Variants in KIAA1958 observed in about 807,000 individuals in gnomAD.
The protein encoded by KIAA1958 is KIAA1958.
KIAA1958 carries 14 observed loss-of-function variants against 47.2 expected under a neutral mutation model. The observed-to-expected ratio is 0.30, with a 90% confidence interval of 0.20 to 0.46. The LOEUF is 0.46. Ranked by LOEUF, KIAA1958 falls within the 20% of genes least tolerant of loss-of-function variation. KIAA1958 has a pLI of 1.00. For missense variants in KIAA1958, 803 were observed against 909.2 expected (o/e 0.88, Z 1.50); for synonymous variants, 354 against 353.3 (o/e 1.00, Z -0.02).
intron 2 of KIAA1958, among the ~76,000 whole-genome samples, chr9:112,608,889 G>A (rs987703550): frequency 2.0e-5 from 3 of 152,184 alleles, no homozygotes; most frequent in African/African-American, 7.2e-5. Flanking sequence ...AAAAAGAGAA[G>A]AGAGAGAATT....
intron 1 of KIAA1958, among the ~76,000 whole-genome samples, chr9:112,523,825 G>A (rs1316403437): frequency 1.3e-5 from 2 of 152,206 alleles, no homozygotes; most frequent in Non-Finnish European, 2.9e-5. Context: ...AAGCACAATT[G>A]CAGACTGCAT....
At position 112,637,923 on chromosome 9, in the gene KIAA1958, T is replaced by C. The variant is rs1035756548; in HGVS notation, c.1172-7727T>C. On this transcript the variant is annotated intron_variant, in intron 2 of 3. Transcript: ENST00000337530. ...CAACACTTTGGGAGGCCGAGGAGGG[T>C]GGATCACCTGAGGTCAGAAGTTCAA... Among the ~76,000 whole-genome samples the C allele has an allele frequency of 8.6e-5, 13 of 151,768 alleles. No individual in the cohort carries two copies. The South Asian group carries it at 2.7e-3, about 32-fold the overall frequency.
chr9:112,658,882 T>C (rs1329754716), intron 3 of KIAA1958, among the ~76,000 whole-genome samples: 1 of 148,636 alleles, frequency 6.7e-6, no homozygotes, highest in Non-Finnish European at 1.5e-5. Context: ...TAGCCGGGCG[T>C]GGTGGCGGGA....
rs1837370597 is a variant in KIAA1958 at position 112,667,807 on chromosome 9, A to C, written c.*7738A>C. 6.6e-6 allele frequency: 1 copy of C among 152,218 alleles called. No individual in the cohort carries two copies. Among genetic ancestry groups the C allele is most frequent in the East Asian group, 1.9e-4 (1 of 5,208 alleles). 9.4% of individuals were successfully genotyped at this position (152,218 alleles called of 1,614,324 possible). A position where few individuals can be genotyped will look rare whatever the true frequency, so the allele number is the denominator to read the frequency against. On this transcript the variant is annotated 3_prime_UTR_variant, in exon 4 of 4. Coordinates refer to ENST00000337530, the MANE Select transcript of KIAA1958 (RefSeq NM_133465.4). ...ATGTAATAGTCTTACAAAGATAATA[A>C]GTTGTACAGCAACCTACGAGGCTTG...
intron 2 of KIAA1958, among the ~76,000 whole-genome samples, chr9:112,592,765 C>T (rs1835945879): frequency 6.6e-6 from 1 of 152,076 alleles, no homozygotes; most frequent in Non-Finnish European, 1.5e-5. Flanking sequence ...TAGAAAATTC[C>T]CTTTTGGCGA....
intron 3 of KIAA1958, among the ~76,000 whole-genome samples, chr9:112,655,614 G>A (rs1306708197): frequency 6.6e-6 from 1 of 152,246 alleles, no homozygotes; most frequent in African/African-American, 2.4e-5. Flanking sequence ...TTCTTCCAGA[G>A]CTAGCAGTGG....
intron 2 of KIAA1958, among the ~76,000 whole-genome samples, chr9:112,585,000 T>C (rs1835799997): frequency 6.6e-6 from 1 of 152,214 alleles, no homozygotes; most frequent in Admixed American, 6.5e-5. Flanking sequence ...TGCTAGGTTA[T>C]ATCCTAAAGA....
chr9:112,538,073 G>A lies in KIAA1958; in HGVS notation c.-24-35984G>A, dbSNP rs183650808. ...CAGGTTGCACGGGTGGCTCACACCC[G>A]TAATCCCAGCTCTATGGGAGGCCAA... On this transcript the variant is annotated intron_variant, in intron 1 of 3. Coordinates refer to ENST00000337530, the MANE Select transcript of KIAA1958 (RefSeq NM_133465.4). Among the ~76,000 whole-genome samples, 66 of 152,322 alleles carry A rather than the reference G, an allele frequency of 4.3e-4. 1 individual carries two copies. The East Asian group carries it at 6.0e-3, about 14-fold the overall frequency.
At chr9:112,533,845 G>A (rs1443098027) in intron 1 of KIAA1958, among the ~76,000 whole-genome samples, 1 of 152,156 alleles carries the variant, frequency 6.6e-6, no homozygotes. Context: ...CCCTTGACAC[G>A]TGGGGATTGT....
At position 112,661,519 on chromosome 9, in the gene KIAA1958, T is replaced by C. The variant is rs569914142; in HGVS notation, c.*1450T>C. On this transcript the variant is annotated 3_prime_UTR_variant, in exon 4 of 4. Coordinates refer to ENST00000337530, the MANE Select transcript of KIAA1958 (RefSeq NM_133465.4). ...ATACAAATTCATTTTGTAGAAGTCT[T>C]AAAATCAGTCCTCTTTCTTTTTGAA... The C allele has an allele frequency of 5.9e-5, 9 of 152,368 alleles. No homozygotes were observed. Among genetic ancestry groups the C allele is most frequent in the Non-Finnish European group, 1.3e-4 (9 of 68,026 alleles). The allele number at this position is 152,368 out of a possible 1,614,324, so 9.4% of individuals were successfully genotyped here. A position where few individuals can be genotyped will look rare whatever the true frequency, so the allele number is the denominator to read the frequency against.
intron 1 of KIAA1958, among the ~76,000 whole-genome samples, chr9:112,512,290 TAAG>T (rs1046300415): frequency 9.2e-5 from 14 of 152,012 alleles, no homozygotes; most frequent in African/African-American, 1.9e-4. Context: ...CAGCAATTCA[TAAG>T]AAGAAAAACA....
intron 3 of KIAA1958, 108 bp downstream of exon 3, chr9:112,645,930 G>T: frequency 2.5e-6 from 2 of 807,014 alleles, no homozygotes; most frequent in South Asian, 6.3e-5. Context: ...TTTCTGCCTG[G>T]GGAAACTTTG....
chr9:112,517,344 A>G (rs896867480), intron 1 of KIAA1958, among the ~76,000 whole-genome samples: 10 of 152,368 alleles, frequency 6.6e-5, no homozygotes, highest in African/African-American at 2.4e-4. Flanking sequence ...CTATATGCAA[A>G]AAGTGAATTT....
At chr9:112,522,386 A>G (rs561628395) in intron 1 of KIAA1958, among the ~76,000 whole-genome samples, 4 of 152,324 alleles carry the variant, frequency 2.6e-5, no homozygotes, top group African/African-American at 4.8e-5. Context: ...TACTCCAGCA[A>G]TAGTCACCCA....
chr9:112,561,276 A>G (rs1835324598), intron 1 of KIAA1958, among the ~76,000 whole-genome samples: 2 of 151,954 alleles, frequency 1.3e-5, no homozygotes, highest in South Asian at 2.1e-4. Context: ...GGATGGTCTC[A>G]GTCTCCTGAC....
In KIAA1958 at chr9:112,659,490, C is replaced by T. The variant is rs549957964; in HGVS notation, c.1572C>T (p.Gly524=). ...LWVLSKAGMS[G]ARSRNIVYFS... is the part of the protein sequence containing the mutation. ...TGCTGAGTAAGGCAGGCATGTCGGG[C>T]GCGCGTTCTCGCAACATCGTCTACT... is the stretch of plus-strand genomic sequence containing the variant. Residue 524 remains glycine (G), a synonymous_variant, in exon 4 of 4, where the codon GGC becomes GGT. Coordinates refer to ENST00000337530, the MANE Select transcript of KIAA1958 (RefSeq NM_133465.4). 1.6e-4 allele frequency: 262 copies of T among 1,613,454 alleles called. No homozygotes were observed. The East Asian group carries it at 4.6e-3, about 28-fold the overall frequency.
intron 1 of KIAA1958, among the ~76,000 whole-genome samples, chr9:112,506,944 GC>G (rs1333981432): frequency 6.6e-6 from 1 of 152,148 alleles, no homozygotes; most frequent in African/African-American, 2.4e-5. Context: ...AGTGGTCATT[GC>G]TATTGTAGCA....
intron 2 of KIAA1958, among the ~76,000 whole-genome samples, chr9:112,581,089 A>G (rs191577621): frequency 1.3e-3 from 204 of 152,248 alleles, no homozygotes; most frequent in African/African-American, 4.7e-3. Context: ...CTTAGAGATG[A>G]ATAGAATCAG....
intron 1 of KIAA1958, among the ~76,000 whole-genome samples, chr9:112,539,714 G>C (rs994820410): frequency 3.7e-4 from 56 of 152,128 alleles, no homozygotes; most frequent in African/African-American, 1.3e-3. Flanking sequence ...TTGGGTGCAT[G>C]GAGTCTCCCT....
Sources: gnomAD v4.1 joint callset for allele counts (sites outside exome capture counted in the v4.1 genomes callset) on GRCh38, gnomAD v4.1.1 for gene constraint, MANE v1.5 for transcripts, NCBI Gene and HGNC (gene_info 2026-07-23, HGNC 2026-07-21) for gene names.